Variants in OXR1 observed in about 807,000 individuals in gnomAD.
OXR1 encodes the protein oxidation resistance protein 1.
In OXR1, 41 loss-of-function variants were observed where a neutral mutation model predicts 104.6. The observed-to-expected ratio is 0.39, with a 90% CI of 0.31 to 0.51. OXR1 has a LOEUF of 0.51. OXR1 is among the 20% of genes least tolerant of loss of function. The pLI is 0.77. For synonymous variants in OXR1, 348 were observed against 348.4 expected (o/e 1.00, Z 0.01); for missense variants, 955 against 1,031.9 (o/e 0.93, Z 1.02).
At chr8:106,698,165 A>G (rs970491427) in intron 7 of OXR1, among the ~76,000 whole-genome samples, 11 of 152,180 alleles carry the variant, frequency 7.2e-5, no homozygotes, top group African/African-American at 2.4e-4. Flanking sequence ...TTTTCACTAG[A>G]CAGAATTTTC....
At chr8:106,453,735 C>G (rs1221048250) in intron 2 of OXR1, among the ~76,000 whole-genome samples, 1 of 152,220 alleles carries the variant, frequency 6.6e-6, no homozygotes, top group Non-Finnish European at 1.5e-5. Context: ...AATTCAGGAC[C>G]TGAGCCTGTA....
intron 3 of OXR1, among the ~76,000 whole-genome samples, chr8:106,661,268 C>A (rs1317181364): frequency 6.6e-6 from 1 of 152,206 alleles, no homozygotes; most frequent in East Asian, 1.9e-4. Flanking sequence ...CTGTTAATGT[C>A]TCTCCTTCCT....
intron 7 of OXR1, among the ~76,000 whole-genome samples, chr8:106,701,757 T>A (rs1165078690): frequency 6.6e-6 from 1 of 152,190 alleles, no homozygotes; most frequent in Non-Finnish European, 1.5e-5. Context: ...TTTCTCACCA[T>A]TAGTTTCTCT....
At chr8:106,361,996 G>A (rs1028977280) in intron 2 of OXR1, among the ~76,000 whole-genome samples, 1 of 152,180 alleles carries the variant, frequency 6.6e-6, no homozygotes, top group African/African-American at 2.4e-5. Flanking sequence ...TGCTTCCAGT[G>A]TTCAAAGGAA....
chr8:106,685,728 A>G (rs1828642611), intron 6 of OXR1, among the ~76,000 whole-genome samples: 1 of 152,062 alleles, frequency 6.6e-6, no homozygotes. Flanking sequence ...GAGATTCCTT[A>G]AAGAACTAAA....
chr8:106,283,566 G>A (rs7004595), intron 1 of OXR1, among the ~76,000 whole-genome samples: 39,769 of 152,068 alleles, frequency 0.26, 6,565 homozygotes, highest in African/African-American at 0.47. Context: ...TATTCTAAGG[G>A]CTGTCATGCC....
rs559905717 is a variant in OXR1, at chr8:106,418,870, A to T, written c.23+59234A>T. Among the ~76,000 whole-genome samples the T allele has an allele frequency of 3.3e-5, 5 of 152,300 alleles. No individual in the cohort carries two copies. In the East Asian group the frequency reaches 9.7e-4, roughly 29 times the overall value. On this transcript the variant is annotated intron_variant, in intron 2 of 16. Coordinates refer to ENST00000517566, the MANE Select transcript of OXR1 (RefSeq NM_001198533.2). The stretch of plus-strand genomic sequence containing the variant: ...TGTTGACAGTGGTTATCTCTGAGTG[A>T]TGAGATTCAGAGTCATTTTACATTT...
intron 1 of OXR1, among the ~76,000 whole-genome samples, chr8:106,286,919 C>T (rs1812525944): frequency 6.6e-6 from 1 of 152,108 alleles, no homozygotes; most frequent in Non-Finnish European, 1.5e-5. Flanking sequence ...TTTCTAGTAA[C>T]TCAGCAATAA....
At chr8:106,273,300 G>T (rs1811894534) in intron 1 of OXR1, among the ~76,000 whole-genome samples, 1 of 152,148 alleles carries the variant, frequency 6.6e-6, no homozygotes, top group Admixed American at 6.6e-5. Context: ...GCTTGAGGAG[G>T]CAGAATGAGA....
At chr8:106,502,475 C>T (rs1811877332) in intron 2 of OXR1, among the ~76,000 whole-genome samples, 1 of 152,114 alleles carries the variant, frequency 6.6e-6, no homozygotes, top group Admixed American at 6.5e-5. Flanking sequence ...TTCTCAGGTG[C>T]CTGTTTACAG....
chr8:106,748,827 C>A (rs1361350727), intron 16 of OXR1, among the ~76,000 whole-genome samples: 1 of 151,604 alleles, frequency 6.6e-6, no homozygotes, highest in Admixed American at 6.6e-5. Context: ...GCCTCAGCCT[C>A]CCAAAGTGCT....
intron 2 of OXR1, among the ~76,000 whole-genome samples, chr8:106,362,509 A>T (rs182832858): frequency 1.3e-5 from 2 of 152,322 alleles, no homozygotes; most frequent in East Asian, 3.9e-4. Flanking sequence ...GATACTTGAA[A>T]AAATATATAA....
chr8:106,692,636 G>T, intron 6 of OXR1, 92 bp from the exon 7 acceptor site: 1 of 662,366 alleles, frequency 1.5e-6, no homozygotes, highest in South Asian at 3.5e-5. Flanking sequence ...AACACTTATT[G>T]GGGAAAGCTA....
intron 9 of OXR1, among the ~76,000 whole-genome samples, chr8:106,709,176 T>G (rs1831450141): frequency 6.6e-6 from 1 of 152,096 alleles, no homozygotes; most frequent in African/African-American, 2.4e-5. Flanking sequence ...ATTGTTAACA[T>G]TCAATATATC....
chr8:106,450,964 T>G (rs1203787593), intron 2 of OXR1, among the ~76,000 whole-genome samples: 1 of 152,144 alleles, frequency 6.6e-6, no homozygotes, highest in Non-Finnish European at 1.5e-5. Context: ...AACTGTGATA[T>G]TCAGTGAAGT....
intron 15 of OXR1, among the ~76,000 whole-genome samples, chr8:106,744,730 A>G (rs1835234056): frequency 6.6e-6 from 1 of 152,214 alleles, no homozygotes; most frequent in South Asian, 2.1e-4. Context: ...CTATTCTTAA[A>G]ACATTGAGTG....
Position 106,739,438 on chromosome 8 carries a change from A to AC in OXR1, c.2038-18dup. 1 of 1,603,870 alleles carries AC rather than the reference A, an allele frequency of 6.2e-7. No homozygotes were observed. The highest frequency in any genetic ancestry group is 8.5e-7 in the Non-Finnish European group (1 of 1,172,840). On this transcript the variant is annotated intron_variant, in intron 12 of 16. Coordinates refer to ENST00000517566, the MANE Select transcript of OXR1 (RefSeq NM_001198533.2). ...TGTCACAAGTTTACATTAATGCACT[A>AC]CCTCTATTTACTGTTTTAGATTACT...
intron 3 of OXR1, among the ~76,000 whole-genome samples, chr8:106,546,652 A>C (rs148584862): frequency 5.1e-4 from 77 of 152,348 alleles, no homozygotes; most frequent in Admixed American, 1.9e-3. Flanking sequence ...GGGAACAGTC[A>C]ATGATGTATT....
At chr8:106,469,481 A>G (rs1821368776) in intron 2 of OXR1, among the ~76,000 whole-genome samples, 1 of 151,866 alleles carries the variant, frequency 6.6e-6, no homozygotes, top group Admixed American at 6.6e-5. Flanking sequence ...ATACAAGAGC[A>G]TGTACAGTAT....
Sources: allele counts gnomAD v4.1 joint callset (sites outside exome capture counted in the v4.1 genomes callset), GRCh38; gene constraint gnomAD v4.1.1; transcripts MANE v1.5; gene names NCBI Gene and HGNC (gene_info 2026-07-23, HGNC 2026-07-21).